The following RMND1 variants were observed in gnomAD, a reference collection of about 807,000 sequenced individuals.
The protein encoded by RMND1 is required for meiotic nuclear division protein 1 homolog.
A neutral mutation model predicts 54.0 loss-of-function variants in RMND1; 41 were observed. That is an observed-to-expected ratio of 0.76 (90% CI 0.59 to 0.98). RMND1 has a LOEUF of 0.98. Among genes scored for constraint, RMND1 ranks in the 50% least tolerant of loss-of-function variants. RMND1 has a pLI of 0.00. For synonymous variants in RMND1, 183 were observed against 181.7 expected, an observed-to-expected ratio of 1.01 and a Z score of -0.06; for missense variants, 457 against 532.0, an observed-to-expected ratio of 0.86 and a Z score of 1.39.
intron 8 of RMND1, among the ~76,000 whole-genome samples, chr6:151,422,035 T>G (rs1408692433): frequency 6.6e-6 from 1 of 152,094 alleles, no homozygotes; most frequent in African/African-American, 2.4e-5. Context: ...CAATATGAAG[T>G]TTCTTAATTT....
rs1256933449 is a variant in RMND1 at position 151,405,200 on chromosome 6, A to G, written c.*35T>C. 2.5e-6 allele frequency: 4 copies of G among 1,592,592 alleles called. No homozygotes were observed. The highest frequency in any genetic ancestry group is 2.6e-6 in the Non-Finnish European group (3 of 1,161,042). On this transcript the variant is annotated 3_prime_UTR_variant, in exon 12 of 12. Transcript: ENST00000444024. ...TTTAATTTTTGATTGTAGAACTTGA[A>G]TATCTCTTGCAGTGACACTTTGGTT... is the stretch of plus-strand genomic sequence containing the variant.
In RMND1 at chr6:151,446,100, A is replaced by G. The variant is rs1582971216; in HGVS notation, c.-14-275T>C. On this transcript the variant is annotated intron_variant, in intron 1 of 11. Coordinates refer to ENST00000444024, the MANE Select transcript of RMND1 (RefSeq NM_017909.4). ...AAAAAAATAGTGATGGGACCACTTC[A>G]TTTACTTCATTAGCATATCAAGTAT... 1.3e-5 allele frequency: 4 copies of G among 318,534 alleles called. No homozygotes were observed. In the South Asian group the frequency reaches 1.8e-4, roughly 14 times the overall value. 19.7% of individuals were successfully genotyped at this position (318,534 alleles called of 1,614,324 possible).
intron 1 of RMND1, among the ~76,000 whole-genome samples, chr6:151,447,316 A>T (rs1053101584): frequency 6.8e-5 from 10 of 147,574 alleles, no homozygotes; most frequent in Non-Finnish European, 1.2e-4. Flanking sequence ...GGTCAAATGC[A>T]TGTTCATGAA....
intron 10 of RMND1, among the ~76,000 whole-genome samples, chr6:151,408,188 G>A (rs1302803956): frequency 6.6e-6 from 1 of 152,088 alleles, no homozygotes; most frequent in Non-Finnish European, 1.5e-5. Flanking sequence ...GAAAGTGCTT[G>A]GAAGTGAGGT....
intron 1 of RMND1, among the ~76,000 whole-genome samples, chr6:151,450,856 A>G (rs917254201): frequency 1.3e-5 from 2 of 152,200 alleles, no homozygotes; most frequent in African/African-American, 4.8e-5. Context: ...GTTCCATACT[A>G]AGAAAAATTC....
intron 2 of RMND1, among the ~76,000 whole-genome samples, chr6:151,439,167 T>C (rs1007628024): frequency 2.0e-5 from 3 of 152,180 alleles, no homozygotes; most frequent in Non-Finnish European, 2.9e-5. Flanking sequence ...AGATTCTAGA[T>C]TGATATACAG....
At position 151,405,004 on chromosome 6, in the gene RMND1, G is replaced by T; in HGVS notation, c.*231C>A. 1 of 440,390 alleles carries T rather than the reference G, an allele frequency of 2.3e-6. No homozygotes were observed. Among genetic ancestry groups the T allele is most frequent in the South Asian group, 2.7e-5 (1 of 37,682 alleles). The allele number at this position is 440,390 out of a possible 1,614,324, so 27.3% of individuals were successfully genotyped here. On this transcript the variant is annotated 3_prime_UTR_variant, in exon 12 of 12. Coordinates refer to ENST00000444024, the MANE Select transcript of RMND1 (RefSeq NM_017909.4). Reference sequence around the variant, plus strand: ...CTGCCTCAGCCTCCTGAGTAGCTGAGATGACGGGCGTGTGCCAACACACCT... The same window carrying T: ...CTGCCTCAGCCTCCTGAGTAGCTGATATGACGGGCGTGTGCCAACACACCT...
At position 151,417,156 on chromosome 6, in the gene RMND1, A is replaced by C. The variant is rs112024176; in HGVS notation, c.1200+123T>G. 3.0e-3 allele frequency: 3,314 copies of C among 1,097,802 alleles called. 11 individuals are homozygous for C. The highest frequency in any genetic ancestry group is 4.0e-3 in the Non-Finnish European group (3,107 of 768,258). The allele number at this position is 1,097,802 out of a possible 1,614,324, so 68.0% of individuals were successfully genotyped here. The stretch of plus-strand genomic sequence containing the variant: ...TGAAGTGACTGTACAGAGGACAAGA[A>C]GGGGAAATATAAAGAGATTTGAATG... On this transcript the variant is annotated intron_variant, in intron 10 of 11. Transcript: ENST00000444024.
At chr6:151,434,406 G>A (rs1344299097) in intron 3 of RMND1, among the ~76,000 whole-genome samples, 4 of 133,650 alleles carry the variant, frequency 3.0e-5, no homozygotes, top group Non-Finnish European at 4.6e-5. Context: ...GACCAAAACT[G>A]TGATTTTTTT....
At chr6:151,435,295 G>A (rs1407392056) in intron 3 of RMND1, among the ~76,000 whole-genome samples, 1 of 151,250 alleles carries the variant, frequency 6.6e-6, no homozygotes, top group Non-Finnish European at 1.5e-5. Flanking sequence ...ACAGGCTCGT[G>A]CCACCATACC....
At chr6:151,410,102 T>C (rs1238703618) in intron 10 of RMND1, among the ~76,000 whole-genome samples, 1 of 151,342 alleles carries the variant, frequency 6.6e-6, no homozygotes, top group East Asian at 1.9e-4. Flanking sequence ...TCACCCAGGC[T>C]GGACTGCAGT....
At chr6:151,443,767 A>G (rs761656862) in intron 2 of RMND1, among the ~76,000 whole-genome samples, 1 of 152,222 alleles carries the variant, frequency 6.6e-6, no homozygotes, top group Non-Finnish European at 1.5e-5. Flanking sequence ...AGTGCTGGAA[A>G]AAGTTATTTC....
chr6:151,406,628 G>C (rs1055823087), intron 10 of RMND1, among the ~76,000 whole-genome samples: 1 of 152,240 alleles, frequency 6.6e-6, no homozygotes, highest in South Asian at 2.1e-4. Flanking sequence ...GGGATTACAG[G>C]CGTGAGCCAC....
intron 6 of RMND1, among the ~76,000 whole-genome samples, chr6:151,426,848 C>T (rs561518259): frequency 9.9e-5 from 15 of 152,148 alleles, no homozygotes; most frequent in African/African-American, 2.9e-4. Flanking sequence ...CGGCTCACTG[C>T]AACCTCCGCC....
At chr6:151,410,148 G>A (rs954803677) in intron 10 of RMND1, among the ~76,000 whole-genome samples, 4 of 150,476 alleles carry the variant, frequency 2.7e-5, no homozygotes, top group Non-Finnish European at 5.9e-5. Context: ...TCTCCCTCCC[G>A]GGTTCACGCC....
At chr6:151,437,828 C>T (rs1045383340) in intron 2 of RMND1, among the ~76,000 whole-genome samples, 4 of 152,092 alleles carry the variant, frequency 2.6e-5, no homozygotes, top group African/African-American at 7.2e-5. Flanking sequence ...AGCTCTGATG[C>T]GTGGTTTAAA....
intron 10 of RMND1, among the ~76,000 whole-genome samples, chr6:151,407,404 G>A (rs1779663616): frequency 6.6e-6 from 1 of 151,914 alleles, no homozygotes; most frequent in Admixed American, 6.6e-5. Flanking sequence ...TCTCTCTTCA[G>A]ACTACTGATT....
rs542129328 is a variant in RMND1, at chr6:151,423,406, A to C, written c.937+119T>G. 982 of 647,246 alleles carry C rather than the reference A, an allele frequency of 1.5e-3. 2 individuals are homozygous for C. Among genetic ancestry groups the C allele is most frequent in the Non-Finnish European group, 2.3e-3 (865 of 369,570 alleles). 40.1% of individuals were successfully genotyped at this position (647,246 alleles called of 1,614,324 possible). ...TTTTTCTGATGGAGGGAAAAAAAGG[A>C]AAAGGAATGCTAAGGCTTTGTTGAG... On this transcript the variant is annotated intron_variant, in intron 7 of 11. Transcript: ENST00000444024.
chr6:151,407,189 C>T (rs538918276), intron 10 of RMND1, among the ~76,000 whole-genome samples: 1 of 152,232 alleles, frequency 6.6e-6, no homozygotes, highest in South Asian at 2.1e-4. Flanking sequence ...AACCACAGGA[C>T]TAACTGACTG....
Sources: gnomAD v4.1 joint callset for allele counts (sites outside exome capture counted in the v4.1 genomes callset) on GRCh38, gnomAD v4.1.1 for gene constraint, MANE v1.5 for transcripts, NCBI Gene and HGNC (gene_info 2026-07-23, HGNC 2026-07-21) for gene names.